MKLN1: variants seen among roughly 807,000 people sequenced by gnomAD.
MKLN1 encodes muskelin.
A neutral mutation model predicts 99.0 loss-of-function variants in MKLN1; 18 were observed. That is an observed-to-expected ratio of 0.18 (90% confidence interval 0.13 to 0.27). The LOEUF (loss-of-function observed/expected upper bound fraction) is 0.27. MKLN1 is among the 10% of genes least tolerant of loss of function. The pLI, the probability that MKLN1 is intolerant of heterozygous loss-of-function variation, is 1.00. For synonymous variants in MKLN1, 288 were observed against 293.2 expected (o/e 0.98, Z 0.18); for missense variants, 621 against 875.9 (o/e 0.71, Z 3.67).
At chr7:131,324,359 G>A (rs1313653105), upstream of MKLN1, 2 of 152,224 alleles carry the variant, frequency 1.3e-5, no homozygotes, top group Non-Finnish European at 1.5e-5. Flanking sequence ...TGCTTTCAGA[G>A]AGAAACACCA....
intron 3 of MKLN1, among the ~76,000 whole-genome samples, chr7:131,299,447 G>A (rs1250434989): frequency 6.6e-6 from 1 of 152,148 alleles, no homozygotes; most frequent in Non-Finnish European, 1.5e-5. Flanking sequence ...TGCTAACTAT[G>A]AGCTAGATTT....
intron 2 of MKLN1, among the ~76,000 whole-genome samples, chr7:131,194,545 C>A (rs1398959502): frequency 6.6e-6 from 1 of 152,148 alleles, no homozygotes; most frequent in African/African-American, 2.4e-5. Context: ...TACATTAAAT[C>A]CATATGCTTG....
intron 3 of MKLN1, among the ~76,000 whole-genome samples, chr7:131,228,064 C>T (rs1180507837): frequency 6.6e-6 from 1 of 151,994 alleles, no homozygotes; most frequent in East Asian, 1.9e-4. Context: ...TTAATGTCAA[C>T]AATTTTTTGT....
intron 12 of MKLN1, among the ~76,000 whole-genome samples, chr7:131,453,078 GTAA>G (rs576620537): frequency 3.4e-4 from 52 of 152,234 alleles, no homozygotes; most frequent in South Asian, 1.7e-3. Context: ...AAAATTATTG[GTAA>G]TAATAACTTT....
At chr7:131,401,424 T>G (rs1418133447) in intron 6 of MKLN1, among the ~76,000 whole-genome samples, 3 of 152,186 alleles carry the variant, frequency 2.0e-5, no homozygotes, top group African/African-American at 7.2e-5. Context: ...ATGTAGAGAT[T>G]GTACTGAAAT....
chr7:131,384,166 ACTT>A (rs968570131), intron 2 of MKLN1, among the ~76,000 whole-genome samples: 2 of 146,842 alleles, frequency 1.4e-5, no homozygotes, highest in African/African-American at 5.0e-5. Flanking sequence ...AGCATTCACT[ACTT>A]TTTTTTTTTT....
At chr7:131,354,018 T>G (rs1055621471) in intron 1 of MKLN1, among the ~76,000 whole-genome samples, 1 of 151,990 alleles carries the variant, frequency 6.6e-6, no homozygotes, top group Non-Finnish European at 1.5e-5. Flanking sequence ...ACTTTATTGA[T>G]TATGCAGTTT....
chr7:131,287,191 C>T (rs1258690994), intron 3 of MKLN1, among the ~76,000 whole-genome samples: 1 of 152,222 alleles, frequency 6.6e-6, no homozygotes, highest in African/African-American at 2.4e-5. Flanking sequence ...TCCTCCTGTC[C>T]CATCTGAGAT....
At position 131,328,051 on chromosome 7, in the gene MKLN1, T is replaced by C; in HGVS notation, c.98+54T>C. The C allele has an allele frequency of 4.4e-6, 7 of 1,581,978 alleles. No homozygotes were observed. The South Asian group carries it at 8.0e-5, about 18-fold the overall frequency. On this transcript the variant is annotated intron_variant, in intron 1 of 17. Transcript: ENST00000352689. ...CCCCACCCTTCCGCGTCAGCACGGT[T>C]GGGCCAGGGGTGCAATGGAGGGCAG... is the stretch of plus-strand genomic sequence containing the variant.
chr7:131,238,126 G>A (rs979470086), intron 3 of MKLN1, among the ~76,000 whole-genome samples: 34 of 152,128 alleles, frequency 2.2e-4, no homozygotes, highest in Middle Eastern at 3.4e-3. Flanking sequence ...CAGCCTGGGC[G>A]ACAGAGTGAG....
rs1797365596 is a variant in MKLN1, at chr7:131,489,272, G to A, written c.*1544G>A. 1 of 152,074 alleles carries A rather than the reference G, an allele frequency of 6.6e-6. No homozygotes were observed. The highest frequency in any genetic ancestry group is 2.4e-5 in the African/African-American group (1 of 41,414). The allele number at this position is 152,074 out of a possible 1,614,324, so 9.4% of individuals were successfully genotyped here. On this transcript the variant is annotated 3_prime_UTR_variant, in exon 18 of 18. Transcript: ENST00000352689. ...TAGAAATATATTTTTGCTAGTTCTA[G>A]GCTTGAATCATGGGCTCCTTGGCTT...
At chr7:131,130,894 A>G (rs1245421503) in intron 1 of MKLN1, among the ~76,000 whole-genome samples, 1 of 151,798 alleles carries the variant, frequency 6.6e-6, no homozygotes, top group Non-Finnish European at 1.5e-5. Flanking sequence ...ACTACAAACA[A>G]TACAAAAATT....
intron 1 of MKLN1, among the ~76,000 whole-genome samples, chr7:131,350,310 T>G (rs1480201928): frequency 1.3e-5 from 2 of 151,590 alleles, no homozygotes; most frequent in African/African-American, 4.8e-5. Context: ...CTCCTTCACC[T>G]CAGCCTCCCA....
intron 12 of MKLN1, among the ~76,000 whole-genome samples, chr7:131,460,828 CAAAAT>C (rs1358551535): frequency 6.6e-6 from 1 of 152,128 alleles, no homozygotes; most frequent in Non-Finnish European, 1.5e-5. Context: ...ACTATTAAGA[CAAAAT>C]AGAATAATGA....
At chr7:131,237,399 C>T (rs530578469) in intron 3 of MKLN1, among the ~76,000 whole-genome samples, 7 of 152,244 alleles carry the variant, frequency 4.6e-5, no homozygotes, top group African/African-American at 1.7e-4. Context: ...GGTCCAACTA[C>T]CTCATTTTTC....
chr7:131,280,136 T>C (rs114945492), intron 3 of MKLN1, among the ~76,000 whole-genome samples: 1 of 152,332 alleles, frequency 6.6e-6, no homozygotes, highest in African/African-American at 2.4e-5. Context: ...CTATCATCAG[T>C]AATTATTACT....
At chr7:131,130,204 G>C (rs1366717428) in intron 1 of MKLN1, among the ~76,000 whole-genome samples, 2 of 152,164 alleles carry the variant, frequency 1.3e-5, no homozygotes, top group Non-Finnish European at 1.5e-5. Context: ...GGAACTTCCA[G>C]GTATGATTAT....
chr7:131,136,954 T>A (rs1473117449), intron 1 of MKLN1, among the ~76,000 whole-genome samples: 1 of 152,198 alleles, frequency 6.6e-6, no homozygotes, highest in Non-Finnish European at 1.5e-5. Context: ...GGCTTTCCCA[T>A]TGGACTGTGA....
intron 3 of MKLN1, among the ~76,000 whole-genome samples, chr7:131,268,697 T>C (rs529865362): frequency 1.3e-5 from 2 of 152,278 alleles, no homozygotes; most frequent in South Asian, 2.1e-4. Context: ...GCTCAGTCAA[T>C]GGCCCTACAT....
Sources: allele counts gnomAD v4.1 joint callset (sites outside exome capture counted in the v4.1 genomes callset), GRCh38; gene constraint gnomAD v4.1.1; transcripts MANE v1.5; gene names NCBI Gene and HGNC (gene_info 2026-07-23, HGNC 2026-07-21).